SLC5A11: variants seen among roughly 807,000 people sequenced by gnomAD.
SLC5A11 encodes the protein solute carrier family 5 member 11.
SLC5A11 carries 48 observed loss-of-function variants against 69.8 expected under a neutral mutation model. That is an observed-to-expected ratio of 0.69 (90% confidence interval 0.55 to 0.87). The LOEUF (loss-of-function observed/expected upper bound fraction) is 0.87, where lower values mean the gene tolerates loss of function less well. Ranked by LOEUF, SLC5A11 falls within the 40% of genes least tolerant of loss-of-function variation. The pLI is 0.00. For synonymous variants in SLC5A11, 319 were observed against 342.4 expected (o/e 0.93, Z 0.75); for missense variants, 784 against 866.1 (o/e 0.91, Z 1.19).
At chr16:24,876,540 G>C (rs79058398) in intron 6 of SLC5A11, among the ~76,000 whole-genome samples, 16,928 of 152,228 alleles carry the variant, frequency 0.11, 1,197 homozygotes, top group South Asian at 0.15. Flanking sequence ...TCCAGCCAGG[G>C]AGGAGGGAGG....
chr16:24,853,272 T>C (rs2059391949), intron 1 of SLC5A11, among the ~76,000 whole-genome samples: 1 of 143,794 alleles, frequency 7.0e-6, no homozygotes, highest in Non-Finnish European at 1.5e-5. Flanking sequence ...GTACAGAGCC[T>C]GGTACATAGT....
chr16:24,881,842 CT>C (rs36053470), intron 7 of SLC5A11, among the ~76,000 whole-genome samples: 56,842 of 151,940 alleles, frequency 0.37, 12,145 homozygotes, highest in Non-Finnish European at 0.49. Flanking sequence ...AGCAGCAACC[CT>C]GGTGGTAAGA....
chr16:24,908,994 G>C (rs200082381), exon 14 of SLC5A11: 20 of 1,614,136 alleles, frequency 1.2e-5, no homozygotes, highest in Non-Finnish European at 1.5e-5. Context: ...CGGTCCTGGT[G>C]AAGAGCATTC....
chr16:24,892,900 TCTC>T (rs2048907884), intron 9 of SLC5A11, among the ~76,000 whole-genome samples: 1 of 151,910 alleles, frequency 6.6e-6, no homozygotes, highest in Non-Finnish European at 1.5e-5. Flanking sequence ...GAGACCCCCT[TCTC>T]CTCCTTAGCA....
intron 1 of SLC5A11, among the ~76,000 whole-genome samples, chr16:24,857,542 A>G (rs957706505): frequency 6.6e-6 from 1 of 152,206 alleles, no homozygotes; most frequent in Non-Finnish European, 1.5e-5. Flanking sequence ...GGAAGAATCT[A>G]TTAATTTGCC....
chr16:24,849,611 T>A (rs1400287593), intron 1 of SLC5A11, among the ~76,000 whole-genome samples: 5 of 115,594 alleles, frequency 4.3e-5, no homozygotes, highest in East Asian at 2.2e-4. Flanking sequence ...TATATATATA[T>A]ATATATATAT....
chr16:24,859,462 G>T (rs919005137), intron 2 of SLC5A11, among the ~76,000 whole-genome samples: 2 of 151,966 alleles, frequency 1.3e-5, no homozygotes, highest in African/African-American at 4.8e-5. Flanking sequence ...AACTTTAAAG[G>T]CAATACAGTC....
chr16:24,889,984 G>T (rs1371486876), intron 8 of SLC5A11, among the ~76,000 whole-genome samples: 1 of 152,118 alleles, frequency 6.6e-6, no homozygotes, highest in Non-Finnish European at 1.5e-5. Context: ...AGAAGCAATT[G>T]TAGGAGCGAA....
intron 10 of SLC5A11, among the ~76,000 whole-genome samples, chr16:24,898,783 G>T (rs1315212001): frequency 6.6e-6 from 1 of 152,180 alleles, no homozygotes; most frequent in Non-Finnish European, 1.5e-5. Context: ...CTCCCAAAGT[G>T]CTGGGATTAC....
intron 10 of SLC5A11, among the ~76,000 whole-genome samples, chr16:24,900,740 C>T (rs151217498): frequency 1.2e-4 from 18 of 152,052 alleles, no homozygotes; most frequent in Admixed American, 7.9e-4. Flanking sequence ...ATACCAGACC[C>T]GCTCTCTACC....
intron 12 of SLC5A11, among the ~76,000 whole-genome samples, chr16:24,907,463 A>G (rs1327386314): frequency 6.6e-6 from 1 of 152,196 alleles, no homozygotes; most frequent in African/African-American, 2.4e-5. Context: ...CTGTAATCAC[A>G]GTACTTTGGG....
intron 7 of SLC5A11, among the ~76,000 whole-genome samples, chr16:24,879,176 C>CCT (rs762041217): frequency 3.2e-4 from 48 of 151,370 alleles, no homozygotes; most frequent in Non-Finnish European, 5.7e-4. Flanking sequence ...TCAGCTAAGG[C>CCT]CTCTCTAAGG....
chr16:24,877,431 T>C, intron 7 of SLC5A11, 68 bp downstream of exon 8: 2 of 1,143,542 alleles, frequency 1.7e-6, no homozygotes, highest in Non-Finnish European at 2.6e-6. Context: ...CTCTACCTTC[T>C]CCTTGCCCAT....
intron 10 of SLC5A11, among the ~76,000 whole-genome samples, chr16:24,905,645 C>T (rs1055124975): frequency 1.1e-4 from 5 of 45,432 alleles, no homozygotes; most frequent in Non-Finnish European, 2.8e-4. Context: ...CGCGCGCACA[C>T]ACACACACAC....
intron 1 of SLC5A11, among the ~76,000 whole-genome samples, chr16:24,853,024 T>C (rs2343621): frequency 0.5 from 75,396 of 149,964 alleles, 20,906 homozygotes; most frequent in African/African-American, 0.76. Context: ...CAGAGCATGG[T>C]GCACAGCCGG....
intron 15 of SLC5A11, among the ~76,000 whole-genome samples, chr16:24,910,792 G>C (rs892455074): frequency 1.3e-5 from 2 of 152,174 alleles, no homozygotes; most frequent in Non-Finnish European, 1.5e-5. Flanking sequence ...CTCTCAGTTA[G>C]TGCTTCTAAA....
intron 3 of SLC5A11, among the ~76,000 whole-genome samples, chr16:24,869,016 T>C (rs2047102921): frequency 6.6e-6 from 1 of 151,954 alleles, no homozygotes; most frequent in South Asian, 2.1e-4. Context: ...TATAGGCATG[T>C]GTCACCACGC....
chr16:24,856,217 C>A (rs191747539), intron 1 of SLC5A11, among the ~76,000 whole-genome samples: 32 of 152,262 alleles, frequency 2.1e-4, no homozygotes, highest in African/African-American at 7.7e-4. Context: ...ATTGCCCACG[C>A]AATAAAGATT....
intron 2 of SLC5A11, among the ~76,000 whole-genome samples, chr16:24,861,804 AAAG>A (rs766736114): frequency 8.1e-6 from 1 of 123,810 alleles, no homozygotes; most frequent in Non-Finnish European, 1.6e-5. Context: ...GAAAGAAAGA[AAAG>A]AAAAAAGAAA....
Sources: gnomAD v4.1 joint callset for allele counts (sites outside exome capture counted in the v4.1 genomes callset) on GRCh38, gnomAD v4.1.1 for gene constraint, MANE v1.5 for transcripts, NCBI Gene and HGNC (gene_info 2026-07-23, HGNC 2026-07-21) for gene names.